Variants in CAMK1D observed in about 807,000 individuals in gnomAD.
The protein encoded by CAMK1D is calcium/calmodulin dependent protein kinase ID.
Under a neutral mutation model 47.7 loss-of-function variants are expected in CAMK1D, and 9 were observed. That is an observed-to-expected ratio of 0.19 (90% CI 0.11 to 0.33). The LOEUF (loss-of-function observed/expected upper bound fraction) is 0.33, where lower values mean the gene tolerates loss of function less well. Among genes scored for constraint, CAMK1D ranks in the 10% least tolerant of loss-of-function variants. The probability of loss-of-function intolerance (pLI) is 1.00; values close to 1 mark genes in which losing one functional copy is unlikely to be tolerated. For synonymous variants in CAMK1D, 184 were observed against 184.9 expected (o/e 0.99, Z 0.04); for missense variants, 291 against 488.7 (o/e 0.60, Z 3.81).
chr10:12,660,160 A>C (rs1457776714), intron 2 of CAMK1D, among the ~76,000 whole-genome samples: 3 of 152,236 alleles, frequency 2.0e-5, no homozygotes, highest in Non-Finnish European at 4.4e-5. Context: ...GAATTACCTC[A>C]TAATTGCTTC....
intron 1 of CAMK1D, among the ~76,000 whole-genome samples, chr10:12,381,871 A>G (rs1050004833): frequency 6.6e-6 from 1 of 152,152 alleles, no homozygotes; most frequent in Non-Finnish European, 1.5e-5. Flanking sequence ...TTCATAGCAG[A>G]GACCTGGCGT....
intron 1 of CAMK1D, among the ~76,000 whole-genome samples, chr10:12,439,665 T>C (rs1322648592): frequency 6.6e-6 from 1 of 152,244 alleles, no homozygotes; most frequent in Non-Finnish European, 1.5e-5. Flanking sequence ...TACTTGTTTG[T>C]TCTGCTGTCT....
chr10:12,700,769 A>G (rs958511431), intron 3 of CAMK1D, among the ~76,000 whole-genome samples: 1 of 152,146 alleles, frequency 6.6e-6, no homozygotes, highest in South Asian at 2.1e-4. Context: ...AGTAACTCGA[A>G]TTTTCTCCCC....
intron 5 of CAMK1D, among the ~76,000 whole-genome samples, chr10:12,786,590 ACT>A (rs1392213827): frequency 6.6e-6 from 1 of 152,090 alleles, no homozygotes; most frequent in Non-Finnish European, 1.5e-5. Context: ...ACAGCGTCTC[ACT>A]CTGTTGCCCA....
At chr10:12,704,514 A>T (rs754727418) in intron 3 of CAMK1D, among the ~76,000 whole-genome samples, 17 of 152,220 alleles carry the variant, frequency 1.1e-4, no homozygotes, top group Non-Finnish European at 1.9e-4. Context: ...TAACATTCAA[A>T]AAGAAGAGGT....
chr10:12,355,311 G>A (rs1012860155), intron 1 of CAMK1D, among the ~76,000 whole-genome samples: 4 of 152,084 alleles, frequency 2.6e-5, no homozygotes, highest in African/African-American at 7.2e-5. Flanking sequence ...GTCAAGCACC[G>A]TCTTTTCCCA....
At chr10:12,694,004 A>T (rs867596404) in intron 3 of CAMK1D, among the ~76,000 whole-genome samples, 1,255 of 74,856 alleles carry the variant, frequency 0.017, 38 homozygotes, top group African/African-American at 0.057. Context: ...TAATATATAT[A>T]ATATATATTA....
chr10:12,696,814 C>G (rs922040868), intron 3 of CAMK1D, among the ~76,000 whole-genome samples: 2 of 152,112 alleles, frequency 1.3e-5, no homozygotes, highest in African/African-American at 4.8e-5. Context: ...GAAAATGGGA[C>G]CTTCGAAGAA....
chr10:12,360,666 A>C (rs1404946639), intron 1 of CAMK1D, among the ~76,000 whole-genome samples: 1 of 152,200 alleles, frequency 6.6e-6, no homozygotes, highest in Non-Finnish European at 1.5e-5. Flanking sequence ...AGGAGGAAGA[A>C]GTAATTTCGT....
intron 3 of CAMK1D, among the ~76,000 whole-genome samples, chr10:12,734,379 G>T (rs11813396): frequency 0.032 from 1,470 of 45,514 alleles, 234 homozygotes; most frequent in South Asian, 0.082. Flanking sequence ...TATATATATA[G>T]ATATAGATAT....
intron 1 of CAMK1D, among the ~76,000 whole-genome samples, chr10:12,436,653 T>G (rs1005623669): frequency 1.3e-5 from 2 of 152,160 alleles, no homozygotes; most frequent in Non-Finnish European, 2.9e-5. Flanking sequence ...TCAGCCCTCA[T>G]GGAGGAAGCT....
chr10:12,480,835 G>C (rs1428220000), intron 1 of CAMK1D, among the ~76,000 whole-genome samples: 1 of 152,216 alleles, frequency 6.6e-6, no homozygotes, highest in Non-Finnish European at 1.5e-5. Context: ...ATGGAAACGT[G>C]TAGATATATG....
At chr10:12,700,096 G>A (rs1371434695) in intron 3 of CAMK1D, among the ~76,000 whole-genome samples, 2 of 151,972 alleles carry the variant, frequency 1.3e-5, no homozygotes, top group Non-Finnish European at 2.9e-5. Context: ...ATTTAGCATC[G>A]AGTTCACAGC....
intron 1 of CAMK1D, among the ~76,000 whole-genome samples, chr10:12,395,092 G>C (rs181708769): frequency 0.01 from 1,295 of 124,002 alleles, 19 homozygotes; most frequent in African/African-American, 0.038. Context: ...TTTTTGCAGA[G>C]ACAGGGTCTC....
intron 1 of CAMK1D, among the ~76,000 whole-genome samples, chr10:12,496,674 G>A (rs757048416): frequency 3.0e-4 from 46 of 152,288 alleles, no homozygotes; most frequent in Admixed American, 1.7e-3. Flanking sequence ...CCAAATTTTC[G>A]TTAGAAGTAA....
At chr10:12,786,725 G>A (rs577726944) in intron 5 of CAMK1D, among the ~76,000 whole-genome samples, 1 of 152,154 alleles carries the variant, frequency 6.6e-6, no homozygotes, top group South Asian at 2.1e-4. Context: ...TGTAGCCCAG[G>A]AACCTTTTCT....
chr10:12,487,281 G>A (rs1453202461), intron 1 of CAMK1D, among the ~76,000 whole-genome samples: 1 of 152,032 alleles, frequency 6.6e-6, no homozygotes, highest in Non-Finnish European at 1.5e-5. Context: ...TCTCCTCAAG[G>A]TCTCTTTATC....
At chr10:12,560,945 G>A (rs1388101800) in intron 2 of CAMK1D, among the ~76,000 whole-genome samples, 2 of 149,838 alleles carry the variant, frequency 1.3e-5, no homozygotes, top group South Asian at 2.1e-4. Context: ...ATGGAGTCTC[G>A]CTCTGTCACC....
intron 1 of CAMK1D, among the ~76,000 whole-genome samples, chr10:12,358,001 A>G (rs937953417): frequency 2.0e-5 from 3 of 152,100 alleles, no homozygotes; most frequent in Admixed American, 6.5e-5. Flanking sequence ...TTCATTTTAT[A>G]TCTTCAGCTA....
Sources: allele counts gnomAD v4.1 joint callset (sites outside exome capture counted in the v4.1 genomes callset), GRCh38; gene constraint gnomAD v4.1.1; transcripts MANE v1.5; gene names NCBI Gene and HGNC (gene_info 2026-07-23, HGNC 2026-07-21).